Variants in KCNAB2 observed in about 807,000 individuals in gnomAD.
KCNAB2 encodes the protein potassium voltage-gated channel subfamily A regulatory beta subunit 2.
In KCNAB2, 29 loss-of-function variants were observed where a neutral mutation model predicts 63.6. The ratio of observed to expected loss-of-function variants is 0.46; its 90% confidence interval spans 0.34 to 0.62. The LOEUF is 0.62. Ranked by LOEUF, KCNAB2 falls within the 20% of genes least tolerant of loss-of-function variation. The pLI is 0.01. For synonymous variants in KCNAB2, 222 were observed against 224.2 expected, an observed-to-expected ratio of 0.99 and a Z score of 0.09; for missense variants, 359 against 563.9, an observed-to-expected ratio of 0.64 and a Z score of 3.68.
intron 1 of KCNAB2, among the ~76,000 whole-genome samples, chr1:6,020,317 C>T (rs1658747332): frequency 6.6e-6 from 1 of 152,136 alleles, no homozygotes; most frequent in Non-Finnish European, 1.5e-5. Flanking sequence ...CCAGACAGGG[C>T]TGGCTCGGGA....
rs534690476 is a variant in KCNAB2, at chr1:6,069,451, T to C, written c.219-3304T>C. 6.6e-6 allele frequency among the ~76,000 whole-genome samples: 1 copy of C among 152,242 alleles called. No homozygotes were observed. Among genetic ancestry groups the C allele is most frequent in the East Asian group, 1.9e-4 (1 of 5,184 alleles). On this transcript the variant is annotated intron_variant, in intron 2 of 15. Transcript: ENST00000378083. This position sits in a 1 kb window ranked among gnomAD's most constrained non-coding sequence, Gnocchi z 5.4. ...TCCACGATGGGCATCAGTGCTCCCC[T>C]CCGGCAGAGGTTATGTCTGTGAGTC... is the stretch of plus-strand genomic sequence containing the variant.
At chr1:6,091,396 C>T (rs1665174306) in intron 10 of KCNAB2, 89 bp downstream of exon 10, 1 of 952,172 alleles carries the variant, frequency 1.1e-6, no homozygotes, top group African/African-American at 1.6e-5. Context: ...TTCTTTTACC[C>T]CATGAGAAAC....
chr1:6,038,112 C>T (rs1341310154), intron 1 of KCNAB2, among the ~76,000 whole-genome samples: 3 of 151,324 alleles, frequency 2.0e-5, no homozygotes, highest in African/African-American at 2.4e-5. Flanking sequence ...CTCCTGACCT[C>T]GTGATCCACC....
intron 15 of KCNAB2, chr1:6,098,105 C>G: frequency 2.0e-6 from 2 of 993,782 alleles, no homozygotes; most frequent in Non-Finnish European, 2.4e-6. Context: ...AAGTCGGTCC[C>G]CGGGTGTGTC....
rs1314857205 is a variant in KCNAB2 at position 6,071,061 on chromosome 1, T to C, written c.219-1694T>C. Among the ~76,000 whole-genome samples the C allele has an allele frequency of 6.6e-6, 1 of 152,140 alleles. No individual in the cohort carries two copies. The highest frequency in any genetic ancestry group is 1.5e-5 in the Non-Finnish European group (1 of 68,030). On this transcript the variant is annotated intron_variant, in intron 2 of 15. Transcript: ENST00000378083. The surrounding 1 kb of genome is among the most constrained non-coding windows in gnomAD (Gnocchi z 8.5). ...CAACTGTTTTCAAGCTGCTTACAAA[T>C]ATTATATCCACTCATGAGTTAGGAG...
At chr1:6,042,317 C>T (rs1660562219), upstream of KCNAB2, among the ~76,000 whole-genome samples, 2 of 152,202 alleles carry the variant, frequency 1.3e-5, no homozygotes, top group South Asian at 4.1e-4. Flanking sequence ...TCCTCAGGCT[C>T]ATTGAAGGTT....
At chr1:6,097,161 C>G in intron 14 of KCNAB2, 108 bp from the exon 15 acceptor site, 1 of 1,289,584 alleles carries the variant, frequency 7.8e-7, no homozygotes, top group Non-Finnish European at 1.0e-6. Flanking sequence ...CCCCCTCAGA[C>G]CCCCAGACCA....
intron 1 of KCNAB2, 39 bp downstream of exon 1, chr1:6,046,222 T>C: frequency 2.0e-6 from 2 of 983,962 alleles, no homozygotes; most frequent in Non-Finnish European, 2.4e-6. Flanking sequence ...CTAGTGGAGA[T>C]GCCGCTTGGG....
At position 6,096,071 on chromosome 1, in the gene KCNAB2, C is replaced by T. The variant is rs571429541; in HGVS notation, c.948+447C>T. The stretch of plus-strand genomic sequence containing the variant: ...CTGAGTGGGGACTCAGGAGGGTCCC[C>T]AGACTGCAGGATCTGGAGAACAAGG... On this transcript the variant is annotated intron_variant, in intron 13 of 15. Transcript: ENST00000378083. This position sits in a 1 kb window ranked among gnomAD's most constrained non-coding sequence, Gnocchi z 5.9. 41 of 458,938 alleles carry T rather than the reference C, an allele frequency of 8.9e-5. No individual in the cohort carries two copies. The highest frequency in any genetic ancestry group is 8.2e-4 in the African/African-American group (41 of 50,264). 28.4% of individuals were successfully genotyped at this position (458,938 alleles called of 1,614,324 possible). A position where few individuals can be genotyped will look rare whatever the true frequency, so the allele number is the denominator to read the frequency against.
At chr1:6,018,652 T>C (rs1036782966) in intron 1 of KCNAB2, 1 of 152,226 alleles carries the variant, frequency 6.6e-6, no homozygotes, top group African/African-American at 2.4e-5. Context: ...ACGACAGGAC[T>C]AGTGCCTTGG....
chr1:6,041,785 T>G (rs747447036), upstream of KCNAB2: 1 of 1,563,814 alleles, frequency 6.4e-7, no homozygotes, highest in Non-Finnish European at 8.8e-7. Flanking sequence ...ACTCTCTCTC[T>G]TCTCTCCCTT....
chr1:6,028,608 G>A lies in KCNAB2; in HGVS notation c.-52-11909G>A, dbSNP rs183763833. 6.6e-6 allele frequency among the ~76,000 whole-genome samples: 1 copy of A among 152,342 alleles called. No homozygotes were observed. The highest frequency in any genetic ancestry group is 1.5e-5 in the Non-Finnish European group (1 of 68,026). On this transcript the variant is annotated intron_variant, in intron 1 of 16. Coordinates refer to the KCNAB2 transcript ENST00000341524. The surrounding 1 kb of genome is among the most constrained non-coding windows in gnomAD (Gnocchi z 4.0). ...CATGCTGGTGGCCGCTCTGGGTGCG[G>A]GGGTACATCCGTGAAGGAAAGAGAT...
chr1:6,025,864 A>G (rs1015836602), intron 1 of KCNAB2: 4 of 150,126 alleles, frequency 2.7e-5, no homozygotes, highest in African/African-American at 1.0e-4. Context: ...CCCGGCACAC[A>G]GCCGATCCCG....
At chr1:5,992,817 G>C (rs1656576600) in intron 1 of KCNAB2, 1 of 152,028 alleles carries the variant, frequency 6.6e-6, no homozygotes, top group African/African-American at 2.4e-5. Context: ...CCGGCGGGGC[G>C]CGCTTTCCAC....
upstream of KCNAB2, among the ~76,000 whole-genome samples, chr1:6,032,309 G>A (rs183228853): frequency 2.2e-3 from 329 of 152,254 alleles, no homozygotes; most frequent in Non-Finnish European, 3.7e-3. Context: ...GGCCGGTTGC[G>A]GTGGCTCACA....
upstream of KCNAB2, among the ~76,000 whole-genome samples, chr1:6,031,500 G>A (rs534170047): frequency 5.3e-5 from 8 of 152,316 alleles, no homozygotes; most frequent in South Asian, 2.1e-4. The surrounding 1 kb of genome is among the most constrained non-coding windows in gnomAD (Gnocchi z 4.1). Context: ...CTGTGCCCCC[G>A]GGAGTTTTGC....
At chr1:6,021,310 A>G (rs183000183) in intron 1 of KCNAB2, among the ~76,000 whole-genome samples, 2 of 152,332 alleles carry the variant, frequency 1.3e-5, no homozygotes, top group African/African-American at 4.8e-5. Context: ...TGCCATGTTT[A>G]TTGAGCCAGC....
intron 4 of KCNAB2, among the ~76,000 whole-genome samples, chr1:6,076,552 A>G (rs1165478785): frequency 1.3e-5 from 2 of 152,160 alleles, no homozygotes; most frequent in Non-Finnish European, 2.9e-5. Context: ...TCCTCTATCA[A>G]CCCAGGGAGG....
intron 2 of KCNAB2, among the ~76,000 whole-genome samples, chr1:6,053,803 T>C (rs1169507954): frequency 6.6e-6 from 1 of 152,126 alleles, no homozygotes; most frequent in African/African-American, 2.4e-5. Flanking sequence ...GACGTTAGGC[T>C]GGGTGTGGTG....
Sources: gnomAD v4.1 joint callset for allele counts (sites outside exome capture counted in the v4.1 genomes callset) on GRCh38, gnomAD v4.1.1 for gene constraint, Gnocchi (gnomAD v3.1) non-coding constraint, MANE v1.5 for transcripts, NCBI Gene and HGNC (gene_info 2026-07-23, HGNC 2026-07-21) for gene names.